Variants in MRTFA observed in about 807,000 individuals in gnomAD.
MRTFA encodes myocardin related transcription factor A.
Under a neutral mutation model 83.5 loss-of-function variants are expected in MRTFA, and 20 were observed. The ratio of observed to expected loss-of-function variants is 0.24; its 90% CI spans 0.17 to 0.35. The LOEUF is 0.35. Ranked by LOEUF, MRTFA falls within the 10% of genes least tolerant of loss-of-function variation. The pLI, the probability that MRTFA is intolerant of heterozygous loss-of-function variation, is 1.00. For synonymous variants in MRTFA, 659 were observed against 541.2 expected (o/e 1.22, Z -3.02); for missense variants, 1,200 against 1,224.7 (o/e 0.98, Z 0.30).
chr22:40,587,626 C>G (rs142565480), intron 2 of MRTFA: 86 of 303,700 alleles, frequency 2.8e-4, no homozygotes, highest in African/African-American at 1.8e-3. Flanking sequence ...CAGGGGAGAA[C>G]AGATAGCATA....
chr22:40,595,743 A>G (rs551211641), intron 1 of MRTFA, among the ~76,000 whole-genome samples: 2 of 152,240 alleles, frequency 1.3e-5, no homozygotes, highest in South Asian at 2.1e-4. Context: ...TACGTAAGAG[A>G]TGCTCTAAAG....
intron 2 of MRTFA, among the ~76,000 whole-genome samples, chr22:40,590,492 CCCCGTCTCTACTAAAA>C (rs2056103987): frequency 6.6e-6 from 1 of 151,778 alleles, no homozygotes; most frequent in African/African-American, 2.4e-5. Context: ...CATGGTGAAA[CCCCGTCTCTACTAAAA>C]ATACAAAAAT....
intron 1 of MRTFA, among the ~76,000 whole-genome samples, chr22:40,622,207 C>G (rs192180642): frequency 3.3e-5 from 5 of 152,042 alleles, no homozygotes; most frequent in Non-Finnish European, 7.4e-5. Flanking sequence ...TGGGGCCGGG[C>G]GCGGTGGCTC....
chr22:40,462,171 T>A (rs572075626), intron 4 of MRTFA, among the ~76,000 whole-genome samples: 1 of 152,346 alleles, frequency 6.6e-6, no homozygotes, highest in African/African-American at 2.4e-5. Flanking sequence ...TTGATAGTAC[T>A]TACCAGGCTC....
chr22:40,448,908 C>T (rs893388682), intron 4 of MRTFA, among the ~76,000 whole-genome samples: 3 of 152,152 alleles, frequency 2.0e-5, no homozygotes, highest in East Asian at 1.9e-4. Flanking sequence ...TGGAGATGAA[C>T]GCTCAGAATT....
chr22:40,533,894 G>T, intron 3 of MRTFA: 1 of 336,428 alleles, frequency 3.0e-6, no homozygotes, highest in Non-Finnish European at 5.4e-6. Flanking sequence ...TTAGAACAGT[G>T]AGCAAGCTCC....
chr22:40,494,154 CTA>C (rs1238980782), intron 3 of MRTFA, among the ~76,000 whole-genome samples: 1 of 152,132 alleles, frequency 6.6e-6, no homozygotes, highest in Non-Finnish European at 1.5e-5. Context: ...GAGCTCTTAT[CTA>C]TTGGCTTAGA....
Position 40,417,388 on chromosome 22 carries a change from C to T in MRTFA, c.2470G>A (p.Glu824Lys). 3 of 1,611,658 alleles carry T rather than the reference C, an allele frequency of 1.9e-6. No individual in the cohort carries two copies. The highest frequency in any genetic ancestry group is 2.5e-6 in the Non-Finnish European group (3 of 1,179,832). ...ATGGCTTCCTCATAGCCAGGTGGTT[C>T]CTTCTTCAGCAGAGAAGTGGGGGTC... is the stretch of plus-strand genomic sequence containing the variant. Residue 824 changes from glutamate to lysine, a missense_variant, in exon 13 of 15, where the codon GAA becomes AAA. By Grantham distance (56) the Glu-to-Lys change is moderately conservative. Around this residue, in one of 2 missense-constraint regions of MRTFA, gnomAD observed 1,107 missense variants for 1,041.8 expected, o/e 1.06. Transcript: ENST00000355630.
intron 3 of MRTFA, among the ~76,000 whole-genome samples, chr22:40,551,559 G>C (rs1345003332): frequency 6.6e-6 from 1 of 152,040 alleles, no homozygotes; most frequent in South Asian, 2.1e-4. Context: ...GCACAGACAG[G>C]GTTTCACCAT....
chr22:40,454,002 T>C (rs1262918977), intron 4 of MRTFA, among the ~76,000 whole-genome samples: 1 of 152,244 alleles, frequency 6.6e-6, no homozygotes, highest in Non-Finnish European at 1.5e-5. Context: ...AGGAGAATGA[T>C]CTTAACAGAG....
At position 40,416,876 on chromosome 22, in the gene MRTFA, C is replaced by A; in HGVS notation, c.2578+110G>T. The stretch of plus-strand genomic sequence containing the variant: ...CCACCACTGCATCCACAGTGCTTGC[C>A]CAAGACTGGTCACGCACGGAAGCAT... On this transcript the variant is annotated intron_variant, in intron 14 of 14. Transcript: ENST00000355630. The surrounding 1 kb of genome is among the most constrained non-coding windows in gnomAD (Gnocchi z 4.2). 9.3e-7 allele frequency: 1 copy of A among 1,072,224 alleles called. No individual in the cohort carries two copies. The highest frequency in any genetic ancestry group is 1.4e-6 in the Non-Finnish European group (1 of 725,336). The allele number at this position is 1,072,224 out of a possible 1,614,324, so 66.4% of individuals were successfully genotyped here.
rs1491546817 is a variant in MRTFA at position 40,470,228 on chromosome 22, ATT to A, written c.242-6944_242-6943del. ...GACACAGCAAGACCCCATCTCCAAA[ATT>A]TTATATATATATATATATATATATA... On this transcript the variant is annotated intron_variant, in intron 3 of 14. Coordinates refer to ENST00000355630, the MANE Select transcript of MRTFA (RefSeq NM_020831.6). Among the ~76,000 whole-genome samples, 30 of 54,018 alleles carry A rather than the reference ATT, an allele frequency of 5.6e-4. 2 individuals are homozygous for A. The highest frequency in any genetic ancestry group is 3.4e-3 in the African/African-American group (29 of 8,636). The allele number at this position is 54,018 out of a possible 152,430, so 35.4% of individuals were successfully genotyped here.
At chr22:40,539,626 C>G (rs1236878055) in intron 3 of MRTFA, among the ~76,000 whole-genome samples, 1 of 151,832 alleles carries the variant, frequency 6.6e-6, no homozygotes, top group Non-Finnish European at 1.5e-5. Flanking sequence ...CCTCAGCCTC[C>G]CGAGTAGCTG....
At chr22:40,441,293 C>T (rs1360691437) in intron 4 of MRTFA, among the ~76,000 whole-genome samples, 1 of 152,172 alleles carries the variant, frequency 6.6e-6, no homozygotes, top group African/African-American at 2.4e-5. Context: ...AGAGGTGTGC[C>T]ATTCTTAATC....
chr22:40,432,513 G>A (rs1158132587), intron 5 of MRTFA, among the ~76,000 whole-genome samples: 2 of 151,882 alleles, frequency 1.3e-5, no homozygotes, highest in African/African-American at 4.8e-5. Context: ...TATTCCCCTG[G>A]ACCTGACTCT....
At position 40,588,027 on chromosome 22, in the gene MRTFA, ATTTTTTTT is replaced by A. The variant is rs771409551; in HGVS notation, c.-22+6639_-22+6646del. On this transcript the variant is annotated intron_variant, in intron 2 of 14. Coordinates refer to ENST00000355630, the MANE Select transcript of MRTFA (RefSeq NM_020831.6). Reference sequence around the variant, plus strand: ...GAAGGTGAGAAGGCCACACTCCAACATTTTTTTTTTTTTTTTTTGGAGACAGAGTCTCG... The same window carrying A: ...GAAGGTGAGAAGGCCACACTCCAACATTTTTTTTTTGGAGACAGAGTCTCG... 5.6e-5 allele frequency: 8 copies of A among 143,838 alleles called. No homozygotes were observed. The East Asian group carries it at 1.3e-3, about 24-fold the overall frequency. 8.9% of individuals were successfully genotyped at this position (143,838 alleles called of 1,614,324 possible).
intron 2 of MRTFA, among the ~76,000 whole-genome samples, chr22:40,580,665 T>G (rs904845455): frequency 3.3e-5 from 5 of 152,246 alleles, no homozygotes; most frequent in African/African-American, 1.2e-4. Flanking sequence ...CTGTCCTGTC[T>G]TCTCCTTCAG....
chr22:40,547,658 C>A (rs1187617997), intron 3 of MRTFA, among the ~76,000 whole-genome samples: 2 of 151,916 alleles, frequency 1.3e-5, no homozygotes, highest in African/African-American at 2.4e-5. Flanking sequence ...TCAAGACCAG[C>A]CTGGCCAATA....
At chr22:40,558,137 G>T (rs1209112491) in intron 2 of MRTFA, among the ~76,000 whole-genome samples, 1 of 151,304 alleles carries the variant, frequency 6.6e-6, no homozygotes, top group Admixed American at 6.6e-5. Flanking sequence ...CCAGGCTAGG[G>T]TGCAGTGGCA....
Sources: allele counts gnomAD v4.1 joint callset (sites outside exome capture counted in the v4.1 genomes callset), GRCh38; gene constraint gnomAD v4.1.1; regional missense constraint gnomAD v4.1.1; non-coding constraint Gnocchi (gnomAD v3.1); transcripts MANE v1.5; gene names NCBI Gene and HGNC (gene_info 2026-07-23, HGNC 2026-07-21).